The following GALNT15 variants were observed in gnomAD, a reference collection of about 807,000 sequenced individuals.
GALNT15 encodes the protein UDP-GalNAc transferase T15.
GALNT15 carries 67 observed loss-of-function variants against 66.8 expected under a neutral mutation model. The observed-to-expected ratio is 1.00, with a 90% confidence interval of 0.82 to 1.23. GALNT15 has a LOEUF of 1.23. Ranked by LOEUF, GALNT15 falls within the 50% of genes most tolerant of loss-of-function variation. The pLI is 0.00. For synonymous variants in GALNT15, 313 were observed against 311.5 expected (o/e 1.00, Z -0.05); for missense variants, 827 against 804.3 (o/e 1.03, Z -0.34).
chr3:16,190,382 T>C lies in GALNT15; in HGVS notation c.540-5378T>C, dbSNP rs373856143. Among the ~76,000 whole-genome samples the C allele has an allele frequency of 6.6e-5, 10 of 152,274 alleles. No homozygotes were observed. In the East Asian group the frequency reaches 1.7e-3, roughly 27 times the overall value. On this transcript the variant is annotated intron_variant, in intron 1 of 9. Coordinates refer to ENST00000339732, the MANE Select transcript of GALNT15 (RefSeq NM_054110.5). ...GGCCGGGCATGGTGGCTGACGCCTG[T>C]AATCCCAGCACTTTGGGAGGCCGAG...
chr3:16,220,382 G>T (rs2063930337), intron 8 of GALNT15: 1 of 253,146 alleles, frequency 4.0e-6, no homozygotes. Flanking sequence ...CAGGACTGAA[G>T]AAGAAGGTAA....
downstream of GALNT15, among the ~76,000 whole-genome samples, chr3:16,235,098 T>C (rs574452761): frequency 2.6e-5 from 4 of 152,192 alleles, no homozygotes; most frequent in Admixed American, 2.6e-4. Context: ...AATTTTTTGG[T>C]ATTTTTAGTA....
At chr3:16,199,148 A>T (rs1049774274) in intron 2 of GALNT15, among the ~76,000 whole-genome samples, 1 of 142,048 alleles carries the variant, frequency 7.0e-6, no homozygotes, top group Non-Finnish European at 1.6e-5. Context: ...CTCTGTGAAC[A>T]CATTGTTCCT....
intron 1 of GALNT15, among the ~76,000 whole-genome samples, chr3:16,190,751 A>G (rs553610054): frequency 6.6e-6 from 1 of 152,014 alleles, no homozygotes; most frequent in East Asian, 1.9e-4. Flanking sequence ...TTAGTTCCAC[A>G]CTCCAAGCCA....
downstream of GALNT15, among the ~76,000 whole-genome samples, chr3:16,235,069 C>A (rs920825607): frequency 1.4e-4 from 21 of 152,090 alleles, no homozygotes; most frequent in African/African-American, 4.3e-4. Context: ...ACTACAGGCA[C>A]CTGCCACCAT....
chr3:16,201,695 A>G, intron 3 of GALNT15, among the ~76,000 whole-genome samples: 1 of 152,188 alleles, frequency 6.6e-6, no homozygotes, highest in East Asian at 1.9e-4. Context: ...ACTGCATTAC[A>G]TTACCCTGTA....
intron 1 of GALNT15, among the ~76,000 whole-genome samples, chr3:16,178,093 CAT>C (rs1472520787): frequency 6.6e-6 from 1 of 152,022 alleles, no homozygotes; most frequent in Non-Finnish European, 1.5e-5. Flanking sequence ...TTTTGTGGTA[CAT>C]GTGTGCGTAT....
At chr3:16,201,017 T>TCCAGTC (rs11282883) in intron 3 of GALNT15, among the ~76,000 whole-genome samples, 194 bp downstream of exon 3, 12,956 of 152,160 alleles carry the variant, frequency 0.085, 834 homozygotes, top group African/African-American at 0.18. Flanking sequence ...TTAGAGGTCT[T>TCCAGTC]CATCTACCTT....
In GALNT15 at chr3:16,175,832, G is replaced by A. The variant is rs566131035; in HGVS notation, c.539+142G>A. 238 of 727,842 alleles carry A rather than the reference G, an allele frequency of 3.3e-4. No homozygotes were observed. Among genetic ancestry groups the A allele is most frequent in the East Asian group, 2.3e-3 (86 of 36,710 alleles). 45.1% of individuals were successfully genotyped at this position (727,842 alleles called of 1,614,324 possible). A position where few individuals can be genotyped will look rare whatever the true frequency, so the allele number is the denominator to read the frequency against. On this transcript the variant is annotated intron_variant, in intron 1 of 9. Coordinates refer to ENST00000339732, the MANE Select transcript of GALNT15 (RefSeq NM_054110.5). The surrounding 1 kb of genome is among the most constrained non-coding windows in gnomAD (Gnocchi z 5.6). ...AAGATGCAGTACCTGGGCCAGCAGC[G>A]TCAGCAGCCCCTGGGCACTGGTGGG...
Position 16,227,168 on chromosome 3 carries a change from T to A in GALNT15, c.1774-186T>A, listed in dbSNP as rs1164010908. Among the ~76,000 whole-genome samples, 1 of 152,310 alleles carries A rather than the reference T, an allele frequency of 6.6e-6. No homozygotes were observed. Among genetic ancestry groups the A allele is most frequent in the South Asian group, 2.1e-4 (1 of 4,822 alleles). On this transcript the variant is annotated intron_variant, in intron 9 of 9. Transcript: ENST00000339732. The surrounding 1 kb of genome is among the most constrained non-coding windows in gnomAD (Gnocchi z 4.5). ...GATTAGTTACCCCTAAGGTTTTGAG[T>A]GACATCCAAATTTTAGGGCTACCTA...
chr3:16,221,389 T>A (rs1289683037), intron 8 of GALNT15, among the ~76,000 whole-genome samples: 1 of 151,748 alleles, frequency 6.6e-6, no homozygotes. Context: ...CCCTTTTTCA[T>A]GAATAAACGA....
At position 16,193,248 on chromosome 3, in the gene GALNT15, A is replaced by G. The variant is rs773754423; in HGVS notation, c.540-2512A>G. 2.0e-5 allele frequency among the ~76,000 whole-genome samples: 3 copies of G among 152,232 alleles called. No individual in the cohort carries two copies. Among genetic ancestry groups the G allele is most frequent in the Admixed American group, 2.0e-4 (3 of 15,288 alleles). On this transcript the variant is annotated intron_variant, in intron 1 of 9. Coordinates refer to ENST00000339732, the MANE Select transcript of GALNT15 (RefSeq NM_054110.5). The surrounding 1 kb of genome is among the most constrained non-coding windows in gnomAD (Gnocchi z 4.7). ...TTACTTTGGCTACCAGGGATCTCAGAGTCAAATTTAAATTCATTCTAGAAA... is the reference window on the plus strand; with the variant it reads ...TTACTTTGGCTACCAGGGATCTCAGGGTCAAATTTAAATTCATTCTAGAAA...
In GALNT15 at chr3:16,203,127, G is replaced by A. The variant is rs781116141; in HGVS notation, c.911+2304G>A. Among the ~76,000 whole-genome samples the A allele has an allele frequency of 3.3e-5, 5 of 152,146 alleles. No homozygotes were observed. Among genetic ancestry groups the A allele is most frequent in the East Asian group, 1.9e-4 (1 of 5,182 alleles). On this transcript the variant is annotated intron_variant, in intron 3 of 9. Transcript: ENST00000339732. This position sits in a 1 kb window ranked among gnomAD's most constrained non-coding sequence, Gnocchi z 6.2. ...CATGATATGTAAGGGCAGATAATTC[G>A]TAGCTGAGTCAGATTTTCTGACTCT...
intron 8 of GALNT15, among the ~76,000 whole-genome samples, chr3:16,222,184 A>C (rs1280056677): frequency 6.6e-6 from 1 of 152,202 alleles, no homozygotes; most frequent in East Asian, 1.9e-4. Flanking sequence ...AGGAAACAAT[A>C]ACCATGAGTG....
In GALNT15 at chr3:16,198,936, TG is replaced by T. The variant is rs1438609070; in HGVS notation, c.707-1679del. ...TCCACAGTTAAGGCCACCTCTGGGC[TG>T]GGGAACTGGGGGGGAAATTCTTGCT... is the stretch of plus-strand genomic sequence containing the variant. On this transcript the variant is annotated intron_variant, in intron 2 of 9. Transcript: ENST00000339732. Among the ~76,000 whole-genome samples the T allele has an allele frequency of 2.8e-5, 4 of 142,314 alleles. 1 individual carries two copies. Among genetic ancestry groups the T allele is most frequent in the Non-Finnish European group, 6.2e-5 (4 of 64,282 alleles). 93.4% of individuals were successfully genotyped at this position (142,314 alleles called of 152,430 possible).
At position 16,228,213 on chromosome 3, in the gene GALNT15, C is replaced by G. The variant is rs1463801206; in HGVS notation, c.*713C>G. ...TACTGAGAATCTACCTCTATTCCCC[C>G]TGCCCTAGCTCTTCTCTAACTTGGT... On this transcript the variant is annotated 3_prime_UTR_variant, in exon 10 of 10. Coordinates refer to ENST00000339732, the MANE Select transcript of GALNT15 (RefSeq NM_054110.5). The G allele has an allele frequency of 1.0e-5, 10 of 985,820 alleles. No homozygotes were observed. Among genetic ancestry groups the G allele is most frequent in the Non-Finnish European group, 1.2e-5 (10 of 830,028 alleles). 61.1% of individuals were successfully genotyped at this position (985,820 alleles called of 1,614,324 possible). A position where few individuals can be genotyped will look rare whatever the true frequency, so the allele number is the denominator to read the frequency against.
chr3:16,209,084 G>A lies in GALNT15; in HGVS notation c.1079+414G>A, dbSNP rs75171842. On this transcript the variant is annotated intron_variant, in intron 4 of 9. Transcript: ENST00000339732. This position sits in a 1 kb window ranked among gnomAD's most constrained non-coding sequence, Gnocchi z 4.1. ...CAGGTCTCGTCTTAGCAAATAGGAA[G>A]AATTCAACCAGGTGAATGCTAAGAA... Among the ~76,000 whole-genome samples the A allele has an allele frequency of 2.6e-3, 400 of 152,262 alleles. 4 individuals are homozygous for A. The East Asian group carries it at 0.035, about 13-fold the overall frequency.
chr3:16,232,511 T>TA (rs56350852), downstream of GALNT15, among the ~76,000 whole-genome samples: 4,230 of 56,548 alleles, frequency 0.075, 781 homozygotes, highest in Non-Finnish European at 0.093. Context: ...TATATATATA[T>TA]TTATTTAAAA....
the GALNT15 span, among the ~76,000 whole-genome samples, chr3:16,247,426 A>G: frequency 6.6e-6 from 1 of 152,262 alleles, no homozygotes; most frequent in African/African-American, 2.4e-5. Flanking sequence ...GGAACGTCAG[A>G]TCATGATGCC....
Sources: gnomAD v4.1 joint callset for allele counts (sites outside exome capture counted in the v4.1 genomes callset) on GRCh38, gnomAD v4.1.1 for gene constraint, Gnocchi (gnomAD v3.1) non-coding constraint, MANE v1.5 for transcripts, NCBI Gene and HGNC (gene_info 2026-07-23, HGNC 2026-07-21) for gene names.